PPHLN1: variants seen among roughly 807,000 people sequenced by gnomAD.
The protein encoded by PPHLN1 is periphilin-1.
In PPHLN1, 29 loss-of-function variants were observed where a neutral mutation model predicts 51.3. The ratio of observed to expected loss-of-function variants is 0.57; its 90% confidence interval spans 0.42 to 0.77. PPHLN1 has a LOEUF of 0.77. Ranked by LOEUF, PPHLN1 falls within the 30% of genes least tolerant of loss-of-function variation. PPHLN1 has a pLI of 0.00. For missense variants in PPHLN1, 436 were observed against 438.4 expected, an observed-to-expected ratio of 0.99 and a Z score of 0.05; for synonymous variants, 147 against 147.8, an observed-to-expected ratio of 0.99 and a Z score of 0.04.
At chr12:42,442,545 C>T (rs999771732), downstream of PPHLN1, 22 of 1,534,452 alleles carry the variant, frequency 1.4e-5, no homozygotes, top group Non-Finnish European at 1.8e-5. Context: ...CAGGACTGCA[C>T]TCTCTTTTGG....
intron 5 of PPHLN1, among the ~76,000 whole-genome samples, chr12:42,376,534 C>G (rs192513926): frequency 5.9e-5 from 9 of 152,282 alleles, no homozygotes; most frequent in Admixed American, 5.2e-4. Context: ...TGCCTGTAAT[C>G]CTTGCACTTT....
intron 9 of PPHLN1, among the ~76,000 whole-genome samples, chr12:42,428,053 T>C (rs1592954913): frequency 6.6e-6 from 1 of 152,054 alleles, no homozygotes; most frequent in African/African-American, 2.4e-5. Context: ...AAAACCACAA[T>C]GCAGTACCAC....
intron 7 of PPHLN1, among the ~76,000 whole-genome samples, chr12:42,392,328 C>A (rs181522315): frequency 6.6e-6 from 1 of 152,246 alleles, no homozygotes; most frequent in Non-Finnish European, 1.5e-5. Context: ...GATAATAAAG[C>A]CTCTCTAATC....
chr12:42,446,399 T>C (rs1448133721), downstream of PPHLN1: 7 of 1,437,536 alleles, frequency 4.9e-6, no homozygotes, highest in Non-Finnish European at 6.5e-6. Flanking sequence ...CTTCCCAGCG[T>C]CTAGCAGTGT....
downstream of PPHLN1, chr12:42,444,863 C>G: frequency 1.0e-5 from 6 of 579,278 alleles, no homozygotes; most frequent in Admixed American, 9.4e-5. Context: ...TGCTTTTTAC[C>G]GATGGCTCTC....
intron 4 of PPHLN1, among the ~76,000 whole-genome samples, chr12:42,357,789 T>C (rs912555756): frequency 1.3e-5 from 2 of 152,232 alleles, no homozygotes; most frequent in Admixed American, 1.3e-4. Context: ...TACATGAATA[T>C]ATTGTGTAGT....
chr12:42,414,833 C>G (rs2080228099), intron 9 of PPHLN1, among the ~76,000 whole-genome samples: 1 of 152,162 alleles, frequency 6.6e-6, no homozygotes, highest in African/African-American at 2.4e-5. Context: ...TAGTTATATT[C>G]TTCATTTCTA....
chr12:42,405,849 T>G (rs1164306729), intron 9 of PPHLN1, among the ~76,000 whole-genome samples: 1 of 152,150 alleles, frequency 6.6e-6, no homozygotes, highest in Admixed American at 6.5e-5. Context: ...TGTTATTATG[T>G]TTTGCTTTTT....
At chr12:42,403,807 C>T (rs1225945765) in intron 9 of PPHLN1, among the ~76,000 whole-genome samples, 1 of 152,138 alleles carries the variant, frequency 6.6e-6, no homozygotes, top group Non-Finnish European at 1.5e-5. Flanking sequence ...ATGGCATAAA[C>T]CCAAGTATAA....
chr12:42,384,012 GCAAGAAT>G (rs1296345300), intron 5 of PPHLN1, among the ~76,000 whole-genome samples: 2 of 65,816 alleles, frequency 3.0e-5, no homozygotes, highest in African/African-American at 9.4e-5. Context: ...AAAAAAAAAA[GCAAGAAT>G]CAAGAATAGT....
chr12:42,355,110 C>A, intron 3 of PPHLN1, 51 bp from the exon 4 acceptor site: 1 of 1,557,272 alleles, frequency 6.4e-7, no homozygotes, highest in Non-Finnish European at 8.8e-7. Context: ...ATATGTCCCA[C>A]TTGTCCAAAA....
At chr12:42,378,450 G>T (rs1039848859) in intron 5 of PPHLN1, among the ~76,000 whole-genome samples, 9 of 151,740 alleles carry the variant, frequency 5.9e-5, no homozygotes, top group African/African-American at 1.9e-4. Flanking sequence ...TGAGACACGG[G>T]GTTCTGCACT....
intron 9 of PPHLN1, among the ~76,000 whole-genome samples, chr12:42,403,077 T>C (rs2078979670): frequency 6.6e-6 from 1 of 152,216 alleles, no homozygotes; most frequent in Non-Finnish European, 1.5e-5. Context: ...TCCAATGAAA[T>C]TGTTTTCAAA....
intron 9 of PPHLN1, among the ~76,000 whole-genome samples, chr12:42,435,813 C>T (rs867719629): frequency 1.4e-4 from 21 of 152,190 alleles, no homozygotes; most frequent in African/African-American, 5.1e-4. Context: ...TTTACTAGAT[C>T]ACCACTTAAC....
intron 8 of PPHLN1, among the ~76,000 whole-genome samples, chr12:42,398,342 C>T (rs2078465643): frequency 6.6e-6 from 1 of 152,120 alleles, no homozygotes; most frequent in South Asian, 2.1e-4. Context: ...CTCATATTCC[C>T]TTTAAATATA....
downstream of PPHLN1, chr12:42,446,504 G>C: frequency 6.7e-7 from 1 of 1,501,372 alleles, no homozygotes; most frequent in South Asian, 1.2e-5. Flanking sequence ...CTCCTAGAAA[G>C]ACCCCCACTC....
chr12:42,396,615 C>CAAAAAAAAAAAA lies in PPHLN1; in HGVS notation c.769-2217_769-2206dup, dbSNP rs60131845. 7.0e-4 allele frequency among the ~76,000 whole-genome samples: 60 copies of CAAAAAAAAAAAA among 85,478 alleles called. 8 individuals are homozygous for CAAAAAAAAAAAA. The highest frequency in any genetic ancestry group is 3.1e-3 in the South Asian group (6 of 1,920). 56.1% of individuals were successfully genotyped at this position (85,478 alleles called of 152,430 possible). ...GCAATGTAGTAAGGTCTTGTCACTA[C>CAAAAAAAAAAAA]AAAAAAAAAAAAAAAAAAAAAAAAA... On this transcript the variant is annotated intron_variant, in intron 8 of 9. Coordinates refer to ENST00000358314, the MANE Select transcript of PPHLN1 (RefSeq NM_201439.2).
At chr12:42,415,915 T>A (rs2080338006) in intron 9 of PPHLN1, among the ~76,000 whole-genome samples, 1 of 152,218 alleles carries the variant, frequency 6.6e-6, no homozygotes, top group African/African-American at 2.4e-5. Context: ...TCTAATATGC[T>A]TATTTGCCTT....
At chr12:42,349,182 A>AT (rs1347891406) in intron 2 of PPHLN1, among the ~76,000 whole-genome samples, 2 of 152,156 alleles carry the variant, frequency 1.3e-5, no homozygotes, top group Admixed American at 1.3e-4. Flanking sequence ...GATACTTAGT[A>AT]TTTTTTTCCG....
Sources: gnomAD v4.1 joint callset for allele counts (sites outside exome capture counted in the v4.1 genomes callset) on GRCh38, gnomAD v4.1.1 for gene constraint, MANE v1.5 for transcripts, NCBI Gene and HGNC (gene_info 2026-07-23, HGNC 2026-07-21) for gene names.